The following PARD3 variants were observed in gnomAD, a reference collection of about 807,000 sequenced individuals.
The protein encoded by PARD3 is partitioning defective 3 homolog.
PARD3 carries 75 observed loss-of-function variants against 155.4 expected under a neutral mutation model. That is an observed-to-expected ratio of 0.48 (90% CI 0.40 to 0.58). The LOEUF (loss-of-function observed/expected upper bound fraction) is 0.58. PARD3 is among the 20% of genes least tolerant of loss of function. The pLI, the probability that PARD3 is intolerant of heterozygous loss-of-function variation, is 0.00. For missense variants in PARD3, 1,642 were observed against 1,721.7 expected (o/e 0.95, Z 0.82); for synonymous variants, 576 against 610.5 (o/e 0.94, Z 0.83).
chr10:34,661,407 T>C (rs995167885), intron 2 of PARD3, among the ~76,000 whole-genome samples: 5 of 152,228 alleles, frequency 3.3e-5, no homozygotes, highest in Admixed American at 1.3e-4. Context: ...GTCAAACTTT[T>C]GTATTGATCA....
chr10:34,349,425 G>A (rs987587234), intron 14 of PARD3, among the ~76,000 whole-genome samples: 12 of 151,854 alleles, frequency 7.9e-5, no homozygotes, highest in Admixed American at 1.3e-4. Context: ...ATTGTGAAAC[G>A]AGGATTTGTT....
At chr10:34,319,277 T>C (rs1437180561) in intron 19 of PARD3, among the ~76,000 whole-genome samples, 2 of 150,952 alleles carry the variant, frequency 1.3e-5, no homozygotes, top group Non-Finnish European at 2.9e-5. Flanking sequence ...TTAGTAGAGA[T>C]AGGAATTCAC....
At chr10:34,265,346 A>G (rs1351247256) in intron 22 of PARD3, among the ~76,000 whole-genome samples, 1 of 152,220 alleles carries the variant, frequency 6.6e-6, no homozygotes. Context: ...ACCACATTTA[A>G]TAAATCATCC....
chr10:34,598,363 G>T (rs2089477914), intron 2 of PARD3, among the ~76,000 whole-genome samples: 1 of 152,128 alleles, frequency 6.6e-6, no homozygotes, highest in Admixed American at 6.5e-5. Flanking sequence ...CTGAAACACA[G>T]AACTGGCAGC....
rs563194082 is a variant in PARD3, at chr10:34,140,722, T to C, written c.3420-9139A>G. Among the ~76,000 whole-genome samples the C allele has an allele frequency of 3.3e-5, 5 of 152,336 alleles. No individual in the cohort carries two copies. The South Asian group carries it at 1.0e-3, about 32-fold the overall frequency. ...TCATTAAGTTTTATCAGCAAGTATC[T>C]TGGGGTTTTACACTCAAATCACAGG... On this transcript the variant is annotated intron_variant, in intron 22 of 24. Coordinates refer to ENST00000374788, the MANE Select transcript of PARD3 (RefSeq NM_001184785.2).
chr10:34,318,859 G>T (rs1958185933), intron 19 of PARD3, among the ~76,000 whole-genome samples: 1 of 151,956 alleles, frequency 6.6e-6, no homozygotes, highest in South Asian at 2.1e-4. Flanking sequence ...TCCGCCTCCT[G>T]GGTTCAAGCC....
rs1841702747 is a variant in PARD3 at position 34,792,050 on chromosome 10, T to C, written c.120+22826A>G. On this transcript the variant is annotated intron_variant, in intron 1 of 24. Coordinates refer to ENST00000374788, the MANE Select transcript of PARD3 (RefSeq NM_001184785.2). ...TCCCAGGATGCATCACGTGCTCGCC[T>C]CGTGACATGCGCCCAGGTGCTCGCT... 2.0e-5 allele frequency among the ~76,000 whole-genome samples: 3 copies of C among 152,156 alleles called. No homozygotes were observed. The South Asian group carries it at 6.2e-4, about 31-fold the overall frequency.
At chr10:34,481,278 C>T (rs1176762515) in intron 3 of PARD3, among the ~76,000 whole-genome samples, 1 of 152,046 alleles carries the variant, frequency 6.6e-6, no homozygotes, top group Non-Finnish European at 1.5e-5. Flanking sequence ...ATGTAGGCCC[C>T]AGTGTGTGTT....
At chr10:34,502,630 T>C (rs1055469564) in intron 3 of PARD3, among the ~76,000 whole-genome samples, 18 of 152,104 alleles carry the variant, frequency 1.2e-4, no homozygotes, top group African/African-American at 2.7e-4. Flanking sequence ...CTTTCCAAAA[T>C]TGGAAAAAAT....
intron 5 of PARD3, among the ~76,000 whole-genome samples, chr10:34,414,653 A>T (rs1845478646): frequency 6.8e-6 from 1 of 147,512 alleles, no homozygotes; most frequent in Non-Finnish European, 1.5e-5. Context: ...CAGTCTCTAT[A>T]AAAAAAAAAA....
chr10:34,165,291 G>A (rs143419988), intron 22 of PARD3, among the ~76,000 whole-genome samples: 1 of 152,246 alleles, frequency 6.6e-6, no homozygotes, highest in East Asian at 1.9e-4. Context: ...CCCTTCAGTA[G>A]TGTCTGCTGA....
chr10:34,255,611 G>A lies in PARD3; in HGVS notation c.3419+14046C>T, dbSNP rs187211603. ...ATATCTGTTAGGTGGTTGTCATGCA[G>A]ATTTATCTGGAGGGAACTGTTTCCA... On this transcript the variant is annotated intron_variant, in intron 22 of 24. Transcript: ENST00000374788. 3.3e-5 allele frequency among the ~76,000 whole-genome samples: 5 copies of A among 152,322 alleles called. No individual in the cohort carries two copies. In the East Asian group the frequency reaches 7.7e-4, roughly 23 times the overall value.
chr10:34,365,748 T>C (rs991017610), intron 12 of PARD3, among the ~76,000 whole-genome samples: 4 of 152,118 alleles, frequency 2.6e-5, no homozygotes. Flanking sequence ...CCACTACACC[T>C]GGCTAATTTT....
At chr10:34,375,185 T>C (rs567788399) in intron 10 of PARD3, among the ~76,000 whole-genome samples, 183 bp from the exon 11 acceptor site, 3 of 152,118 alleles carry the variant, frequency 2.0e-5, no homozygotes, top group South Asian at 2.1e-4. Context: ...TTGTGACTAA[T>C]AAAGAAACTA....
intron 1 of PARD3, among the ~76,000 whole-genome samples, chr10:34,805,351 C>T (rs1405183189): frequency 1.3e-5 from 2 of 151,860 alleles, no homozygotes; most frequent in African/African-American, 2.4e-5. Context: ...AGTGAGACTC[C>T]GTCTCAAATA....
At position 34,288,528 on chromosome 10, in the gene PARD3, T is replaced by G. The variant is rs538860408; in HGVS notation, c.3066-4283A>C. Among the ~76,000 whole-genome samples, 6 of 152,310 alleles carry G rather than the reference T, an allele frequency of 3.9e-5. No individual in the cohort carries two copies. In the South Asian group the frequency reaches 1.0e-3, roughly 26 times the overall value. On this transcript the variant is annotated intron_variant, in intron 20 of 24. Transcript: ENST00000374788. ...TAGCCAATATTACTGTACTTCCTAATTTATAGTTGCTTAATTCCTGAAAAG... is the reference window on the plus strand; with the variant it reads ...TAGCCAATATTACTGTACTTCCTAAGTTATAGTTGCTTAATTCCTGAAAAG...
chr10:34,357,600 C>CAATCA (rs1010744141), intron 14 of PARD3, among the ~76,000 whole-genome samples: 2 of 152,126 alleles, frequency 1.3e-5, no homozygotes, highest in Non-Finnish European at 2.9e-5. Context: ...AACTACTATT[C>CAATCA]AATCAGTCCA....
chr10:34,814,447 T>C (rs940985720), intron 1 of PARD3, among the ~76,000 whole-genome samples: 1 of 151,986 alleles, frequency 6.6e-6, no homozygotes, highest in African/African-American at 2.4e-5. Context: ...CACCAAAAGT[T>C]CCCAGTCCCC....
chr10:34,528,797 G>A (rs996607027), intron 2 of PARD3, among the ~76,000 whole-genome samples: 5 of 152,172 alleles, frequency 3.3e-5, no homozygotes, highest in African/African-American at 9.7e-5. Context: ...GGGGTATGGA[G>A]AAGGACTAGG....
Sources: allele counts gnomAD v4.1 joint callset (sites outside exome capture counted in the v4.1 genomes callset), GRCh38; gene constraint gnomAD v4.1.1; transcripts MANE v1.5; gene names NCBI Gene and HGNC (gene_info 2026-07-23, HGNC 2026-07-21).